STK10: variants seen among roughly 807,000 people sequenced by gnomAD.
STK10 encodes serine/threonine kinase 10.
A neutral mutation model predicts 113.8 loss-of-function variants in STK10; 78 were observed. The ratio of observed to expected loss-of-function variants is 0.69; its 90% CI spans 0.57 to 0.83. The LOEUF (loss-of-function observed/expected upper bound fraction) is 0.83, where lower values mean the gene tolerates loss of function less well. Ranked by LOEUF, STK10 falls within the 40% of genes least tolerant of loss-of-function variation. The pLI is 0.00. For missense variants in STK10, 1,109 were observed against 1,280.1 expected (o/e 0.87, Z 2.04); for synonymous variants, 465 against 494.7 (o/e 0.94, Z 0.80).
chr5:172,180,443 C>T (rs1019412169), intron 1 of STK10, among the ~76,000 whole-genome samples: 17 of 151,848 alleles, frequency 1.1e-4, no homozygotes, highest in African/African-American at 3.9e-4. Context: ...CCAGCCTGGG[C>T]GACAGAGCAA....
At chr5:172,077,991 G>T (rs888288391) in intron 12 of STK10, among the ~76,000 whole-genome samples, 31 of 96,364 alleles carry the variant, frequency 3.2e-4, no homozygotes, top group African/African-American at 1.8e-3. Context: ...CTCACCTGGT[G>T]GGGGGGGTCT....
chr5:172,131,799 A>G (rs1430014521), intron 2 of STK10, among the ~76,000 whole-genome samples: 2 of 152,228 alleles, frequency 1.3e-5, no homozygotes, highest in Admixed American at 6.5e-5. Context: ...AGTTGAATGT[A>G]TCTCCCAAAA....
intron 7 of STK10, among the ~76,000 whole-genome samples, chr5:172,098,817 T>C (rs962092872): frequency 6.6e-6 from 1 of 152,146 alleles, no homozygotes; most frequent in African/African-American, 2.4e-5. Flanking sequence ...ACAGCTGTTA[T>C]AAGCATTATG....
At chr5:172,113,886 C>T (rs1769303070) in intron 4 of STK10, among the ~76,000 whole-genome samples, 1 of 151,074 alleles carries the variant, frequency 6.6e-6, no homozygotes, top group Non-Finnish European at 1.5e-5. Flanking sequence ...GCACTCCAGC[C>T]TGGGCAACAA....
At chr5:172,055,885 C>T (rs1767741770) in intron 15 of STK10, 109 bp from the exon 16 acceptor site, 6 of 881,538 alleles carry the variant, frequency 6.8e-6, no homozygotes, top group African/African-American at 1.7e-5. Flanking sequence ...ACCAACGCAG[C>T]CCACAATGTT....
chr5:172,103,324 A>G (rs1769033661), intron 7 of STK10, among the ~76,000 whole-genome samples: 1 of 152,252 alleles, frequency 6.6e-6, no homozygotes, highest in Admixed American at 6.5e-5. Flanking sequence ...AAGGTGCTTT[A>G]TTCATCTCCA....
At chr5:172,057,518 AGACTC>A (rs1343449202) in intron 14 of STK10, 45 bp from the exon 15 acceptor site, 1 of 1,530,892 alleles carries the variant, frequency 6.5e-7, no homozygotes, top group African/African-American at 1.4e-5. Context: ...TGACAACCAG[AGACTC>A]GACAGGCCCC....
chr5:172,172,895 G>A (rs1312724910), intron 1 of STK10, among the ~76,000 whole-genome samples: 3 of 152,060 alleles, frequency 2.0e-5, no homozygotes, highest in African/African-American at 4.8e-5. Context: ...CAGGAGAATC[G>A]CTTGAACCCA....
intron 4 of STK10, among the ~76,000 whole-genome samples, chr5:172,115,416 A>G (rs1025515240): frequency 1.3e-5 from 2 of 152,078 alleles, no homozygotes; most frequent in Non-Finnish European, 2.9e-5. Context: ...CCGAACCTAC[A>G]TGCACAGAAA....
intron 1 of STK10, among the ~76,000 whole-genome samples, chr5:172,177,686 A>G (rs1770782160): frequency 6.6e-6 from 1 of 152,258 alleles, no homozygotes; most frequent in Non-Finnish European, 1.5e-5. Context: ...TGATAAATAT[A>G]CCATTAAAAT....
At chr5:172,075,494 T>A (rs910203980) in intron 12 of STK10, among the ~76,000 whole-genome samples, 5 of 152,056 alleles carry the variant, frequency 3.3e-5, no homozygotes, top group African/African-American at 1.2e-4. Flanking sequence ...CTGGCCAACA[T>A]GGTGAAACCC....
chr5:172,145,942 G>T (rs554541981), intron 2 of STK10, among the ~76,000 whole-genome samples: 136 of 152,308 alleles, frequency 8.9e-4, no homozygotes, highest in African/African-American at 3.2e-3. Context: ...CGCCTGCCCC[G>T]TGCAAGGCTG....
chr5:172,101,971 G>A (rs374851503), intron 7 of STK10, among the ~76,000 whole-genome samples: 17 of 152,064 alleles, frequency 1.1e-4, no homozygotes, highest in African/African-American at 3.4e-4. Flanking sequence ...AGCAGGGTGG[G>A]GGGGGCGGAT....
In STK10 at chr5:172,153,288, A is replaced by AAAAG. The variant is rs35446422; in HGVS notation, c.321+3332_321+3335dup. Among the ~76,000 whole-genome samples, 330 of 142,036 alleles carry AAAAG rather than the reference A, an allele frequency of 2.3e-3. 9 individuals are homozygous for AAAAG. The highest frequency in any genetic ancestry group is 4.3e-3 in the South Asian group (19 of 4,394). 93.2% of individuals were successfully genotyped at this position (142,036 alleles called of 152,430 possible). A position where few individuals can be genotyped will look rare whatever the true frequency, so the allele number is the denominator to read the frequency against. Reference sequence around the variant, plus strand: ...GCAACAGGAGCAAAACTCCATCTCAAAAAGAAAGAAAGAAAGAAAGAAAGA... The same window carrying AAAAG: ...GCAACAGGAGCAAAACTCCATCTCAAAAAGAAAGAAAGAAAGAAAGAAAGAAAGA... On this transcript the variant is annotated intron_variant, in intron 2 of 18. Coordinates refer to ENST00000176763, the MANE Select transcript of STK10 (RefSeq NM_005990.4).
chr5:172,147,818 A>G (rs11743780), intron 2 of STK10, among the ~76,000 whole-genome samples: 53,371 of 152,030 alleles, frequency 0.35, 9,444 homozygotes, highest in African/African-American at 0.4. Context: ...GAGAAGGTCA[A>G]AGAGAGAGAC....
intron 9 of STK10, 73 bp from the exon 10 acceptor site, chr5:172,090,435 C>T: frequency 6.4e-7 from 1 of 1,564,616 alleles, no homozygotes; most frequent in Non-Finnish European, 8.7e-7. Context: ...GCAGGTGAGG[C>T]CACAGCTCTG....
intron 18 of STK10, among the ~76,000 whole-genome samples, chr5:172,050,614 T>C (rs1767606831): frequency 6.6e-6 from 1 of 151,992 alleles, no homozygotes; most frequent in Non-Finnish European, 1.5e-5. Flanking sequence ...GGAAACAAAC[T>C]AAGGATATTT....
At chr5:172,054,743 T>C in intron 16 of STK10, 49 bp from the exon 17 acceptor site, 1 of 1,600,870 alleles carries the variant, frequency 6.2e-7, no homozygotes, top group Non-Finnish European at 8.5e-7. Flanking sequence ...GCCTGGCTGG[T>C]TGGGTAGGGA....
chr5:172,121,032 CTTTT>C (rs113620151), intron 3 of STK10, among the ~76,000 whole-genome samples: 5 of 138,804 alleles, frequency 3.6e-5, no homozygotes, highest in Non-Finnish European at 7.9e-5. Context: ...GGTTTCTTTC[CTTTT>C]TTTTTTTTTT....
Sources: allele counts gnomAD v4.1 joint callset (sites outside exome capture counted in the v4.1 genomes callset), GRCh38; gene constraint gnomAD v4.1.1; transcripts MANE v1.5; gene names NCBI Gene and HGNC (gene_info 2026-07-23, HGNC 2026-07-21).